NRXN3: variants seen among roughly 807,000 people sequenced by gnomAD.
NRXN3 encodes the protein neurexin 3, also known as neurexin III.
NRXN3 carries 32 observed loss-of-function variants against 137.6 expected under a neutral mutation model. The observed-to-expected ratio is 0.23, with a 90% CI of 0.18 to 0.31. The LOEUF is 0.31. NRXN3 is among the 10% of genes least tolerant of loss of function. The probability of loss-of-function intolerance (pLI) is 1.00; values close to 1 mark genes in which losing one functional copy is unlikely to be tolerated. For synonymous variants in NRXN3, 798 were observed against 784.5 expected (o/e 1.02, Z -0.29); for missense variants, 1,574 against 2,062.5 (o/e 0.76, Z 4.59).
chr14:78,911,317 C>CA (rs1157863472), intron 10 of NRXN3, among the ~76,000 whole-genome samples: 1 of 152,100 alleles, frequency 6.6e-6, no homozygotes, highest in Non-Finnish European at 1.5e-5. Context: ...CTGAATAATT[C>CA]ATCAGTGTCA....
intron 16 of NRXN3, among the ~76,000 whole-genome samples, chr14:79,539,744 A>T (rs1260749635): frequency 6.6e-6 from 1 of 152,184 alleles, no homozygotes; most frequent in African/African-American, 2.4e-5. Flanking sequence ...GGCAAAAATA[A>T]ATAAATAACT....
intron 15 of NRXN3, among the ~76,000 whole-genome samples, chr14:79,004,776 A>T (rs932466854): frequency 2.0e-5 from 3 of 152,102 alleles, no homozygotes; most frequent in African/African-American, 7.2e-5. Flanking sequence ...CTTTTTTCCT[A>T]ATGTTTTAAA....
At chr14:78,751,974 C>T (rs1407005654) in intron 8 of NRXN3, among the ~76,000 whole-genome samples, 1 of 152,170 alleles carries the variant, frequency 6.6e-6, no homozygotes, top group Non-Finnish European at 1.5e-5. Flanking sequence ...CTGGCAGAAT[C>T]CCAGTTGTTA....
At chr14:79,781,196 T>C (rs1439437226) in intron 19 of NRXN3, among the ~76,000 whole-genome samples, 2 of 152,234 alleles carry the variant, frequency 1.3e-5, no homozygotes, top group Non-Finnish European at 2.9e-5. Context: ...GTCTTTCCGC[T>C]TATCTATTTA....
At chr14:78,673,903 A>T (rs191513885) in intron 6 of NRXN3, among the ~76,000 whole-genome samples, 1 of 152,312 alleles carries the variant, frequency 6.6e-6, no homozygotes, top group East Asian at 1.9e-4. Flanking sequence ...CAATCTAAGC[A>T]AACTAAAGTT....
intron 6 of NRXN3, among the ~76,000 whole-genome samples, chr14:78,669,441 G>T (rs1253898684): frequency 3.3e-5 from 5 of 152,164 alleles, no homozygotes; most frequent in African/African-American, 1.2e-4. Context: ...AGGCAGAGCA[G>T]CCCTGACGGC....
intron 15 of NRXN3, among the ~76,000 whole-genome samples, chr14:79,385,575 A>T (rs2153460940): frequency 6.6e-6 from 1 of 152,184 alleles, no homozygotes; most frequent in South Asian, 2.1e-4. Flanking sequence ...TCAGTGTTGG[A>T]GGTGGGGCCT....
chr14:78,559,710 T>A (rs2096769963), intron 4 of NRXN3, among the ~76,000 whole-genome samples: 1 of 152,230 alleles, frequency 6.6e-6, no homozygotes, highest in African/African-American at 2.4e-5. Flanking sequence ...AAAATTGTAT[T>A]TCATAAGTAA....
At chr14:78,602,329 TCTC>T (rs1471225755) in intron 4 of NRXN3, 1 of 145,298 alleles carries the variant, frequency 6.9e-6, no homozygotes, top group African/African-American at 2.6e-5. Context: ...AGCAAAGCAT[TCTC>T]CTCCCAGGTG....
chr14:79,850,285 C>T (rs1256342600), intron 20 of NRXN3, among the ~76,000 whole-genome samples: 1 of 152,104 alleles, frequency 6.6e-6, no homozygotes, highest in Non-Finnish European at 1.5e-5. Flanking sequence ...CTAGTATTCT[C>T]CCTGGGAAGT....
intron 16 of NRXN3, among the ~76,000 whole-genome samples, chr14:79,562,335 T>C (rs950505905): frequency 5.9e-5 from 9 of 152,188 alleles, no homozygotes; most frequent in African/African-American, 1.9e-4. Flanking sequence ...CTTAAATGCA[T>C]GAATAGTGTC....
intron 19 of NRXN3, among the ~76,000 whole-genome samples, chr14:79,767,750 A>G (rs1284160487): frequency 1.3e-5 from 2 of 152,238 alleles, no homozygotes; most frequent in Admixed American, 1.3e-4. Flanking sequence ...AGTTAGAATT[A>G]GAAATCAGGG....
At chr14:78,720,805 A>G (rs2098456293) in intron 8 of NRXN3, among the ~76,000 whole-genome samples, 1 of 152,158 alleles carries the variant, frequency 6.6e-6, no homozygotes, top group Non-Finnish European at 1.5e-5. Context: ...AACACAGTCT[A>G]TCTTAAATAG....
At chr14:79,006,965 A>G (rs2099554326) in intron 15 of NRXN3, among the ~76,000 whole-genome samples, 1 of 152,154 alleles carries the variant, frequency 6.6e-6, no homozygotes, top group African/African-American at 2.4e-5. Context: ...GCTAAACTGA[A>G]ATGCTTGAGG....
intron 10 of NRXN3, among the ~76,000 whole-genome samples, chr14:78,858,629 C>T (rs1265125000): frequency 6.6e-6 from 1 of 152,172 alleles, no homozygotes; most frequent in African/African-American, 2.4e-5. Flanking sequence ...CTTAGAAATG[C>T]TACTCTGTCT....
chr14:79,194,955 ATTTTCT>A (rs1475313306), intron 15 of NRXN3, among the ~76,000 whole-genome samples: 2 of 151,076 alleles, frequency 1.3e-5, no homozygotes, highest in African/African-American at 4.9e-5. Context: ...TTTTTATCTT[ATTTTCT>A]TTTTTTTTTC....
intron 3 of NRXN3, among the ~76,000 whole-genome samples, chr14:78,289,827 T>G (rs2075617404): frequency 6.6e-6 from 1 of 152,074 alleles, no homozygotes; most frequent in Non-Finnish European, 1.5e-5. Context: ...GGCAGGAGAA[T>G]CGCTTGAACC....
At chr14:79,659,659 T>G (rs772658545) in intron 16 of NRXN3, among the ~76,000 whole-genome samples, 7 of 152,124 alleles carry the variant, frequency 4.6e-5, no homozygotes, top group Non-Finnish European at 1.0e-4. Context: ...TGCCAGGTGC[T>G]TCACATGTCT....
At chr14:78,988,371 TTTAGA>T (rs1308865864) in intron 15 of NRXN3, 14 of 526,898 alleles carry the variant, frequency 2.7e-5, no homozygotes, top group Non-Finnish European at 4.4e-5. Context: ...GTGTTTTTTC[TTTAGA>T]TTAGAATAGC....
Sources: gnomAD v4.1 joint callset for allele counts (sites outside exome capture counted in the v4.1 genomes callset) on GRCh38, gnomAD v4.1.1 for gene constraint, MANE v1.5 for transcripts, NCBI Gene and HGNC (gene_info 2026-07-23, HGNC 2026-07-21) for gene names.